Variants in SLC22A8 observed in about 807,000 individuals in gnomAD.
SLC22A8 encodes solute carrier family 22 member 8.
SLC22A8 carries 40 observed loss-of-function variants against 48.4 expected under a neutral mutation model. The ratio of observed to expected loss-of-function variants is 0.83; its 90% CI spans 0.64 to 1.08. SLC22A8 has a LOEUF of 1.08. Ranked by LOEUF, SLC22A8 falls within the 50% of genes least tolerant of loss-of-function variation. SLC22A8 has a pLI of 0.00. For synonymous variants in SLC22A8, 268 were observed against 286.3 expected (o/e 0.94, Z 0.65); for missense variants, 606 against 699.0 (o/e 0.87, Z 1.50).
chr11:62,993,714 C>A, intron 9 of SLC22A8, 56 bp downstream of exon 9: 2 of 1,586,114 alleles, frequency 1.3e-6, no homozygotes, highest in Non-Finnish European at 1.7e-6. Flanking sequence ...GACAATGCCA[C>A]AGTCCCACCT....
In SLC22A8 at chr11:62,999,852, G is replaced by A. The variant is rs753411110; in HGVS notation, c.438-10C>T. The A allele has an allele frequency of 1.9e-5, 28 of 1,501,876 alleles. No individual in the cohort carries two copies. Among genetic ancestry groups the A allele is most frequent in the Non-Finnish European group, 2.5e-5 (28 of 1,120,216 alleles). The allele number at this position is 1,501,876 out of a possible 1,614,324, so 93.0% of individuals were successfully genotyped here. A position where few individuals can be genotyped will look rare whatever the true frequency, so the allele number is the denominator to read the frequency against. On this transcript the variant is annotated splice_polypyrimidine_tract_variant and intron_variant, in intron 3 of 10. Coordinates refer to ENST00000336232, the MANE Select transcript of SLC22A8 (RefSeq NM_004254.4). ...GGGCCTGCGGCCAAACCTGTAGCTC[G>A]AAGGAGAGGAGGGGCCAGGTTAGCC... is the stretch of plus-strand genomic sequence containing the variant.
rs114574982 is a variant in SLC22A8, at chr11:63,013,922, C to T, written c.333+704G>A. On this transcript the variant is annotated intron_variant, in intron 2 of 10. Coordinates refer to ENST00000336232, the MANE Select transcript of SLC22A8 (RefSeq NM_004254.4). ...GAGTCTGATTTAACTCTGGATTTCC[C>T]CGAGGTGGCAGGTGAGAGAGTCAAT... 8.6e-3 allele frequency among the ~76,000 whole-genome samples: 1,313 copies of T among 152,232 alleles called. 10 individuals are homozygous for T. Among genetic ancestry groups the T allele is most frequent in the African/African-American group, 0.03 (1,253 of 41,508 alleles).
At position 62,993,756 on chromosome 11, in the gene SLC22A8, G is replaced by A; in HGVS notation, c.1325+14C>T. 2 of 1,605,292 alleles carry A rather than the reference G, an allele frequency of 1.2e-6. No homozygotes were observed. Among genetic ancestry groups the A allele is most frequent in the Non-Finnish European group, 1.7e-6 (2 of 1,171,842 alleles). On this transcript the variant is annotated intron_variant, in intron 9 of 10. Coordinates refer to ENST00000336232, the MANE Select transcript of SLC22A8 (RefSeq NM_004254.4). ...TGTCCTCTGGCTGGGCCTGGCCCCAGGTCCAGCACCTACCTGATGACTGTG... is the reference window on the plus strand; with the variant it reads ...TGTCCTCTGGCTGGGCCTGGCCCCAAGTCCAGCACCTACCTGATGACTGTG...
At chr11:62,995,218 C>A in intron 7 of SLC22A8, 1 of 236,156 alleles carries the variant, frequency 4.2e-6, no homozygotes, top group Non-Finnish European at 8.3e-6. Context: ...AAAGAAATGG[C>A]CAGGATGGGA....
intron 7 of SLC22A8, 87 bp downstream of exon 7, chr11:62,995,617 C>T (rs2086406861): frequency 3.3e-6 from 3 of 918,478 alleles, no homozygotes; most frequent in East Asian, 2.4e-5. Context: ...TTTCAGATGC[C>T]CTAGGCCTTG....
Position 62,994,671 on chromosome 11 carries a change from C to A in SLC22A8, c.1087G>T (p.Gly363Cys). Residue 363 changes from glycine (G) to cysteine (C), a missense_variant, in exon 8 of 11, where the codon GGT (glycine) becomes TGT (cysteine). Gly to Cys is a radical substitution (Grantham distance 159). Transcript: ENST00000336232. Reference sequence around the variant, plus strand: ...AACTTGGCTGGGACATCGACCCCACCAAAGATGATCTGGAGGATGTAGAGG... The same window carrying A: ...AACTTGGCTGGGACATCGACCCCACAAAAGATGATCTGGAGGATGTAGAGG... ...VNLYILQIIF[G>C]GVDVPAKFIT... 6.2e-7 allele frequency: 1 copy of A among 1,614,230 alleles called. No homozygotes were observed.
chr11:62,993,821 G>A lies in SLC22A8; in HGVS notation c.1274C>T (p.Ser425Phe). 1.9e-6 allele frequency: 3 copies of A among 1,613,988 alleles called. No individual in the cohort carries two copies. The highest frequency in any genetic ancestry group is 2.5e-6 in the Non-Finnish European group (3 of 1,179,876). Residue 425 changes from serine to phenylalanine, a missense_variant, in exon 9 of 11, where the codon TCC (serine) becomes TTC (phenylalanine). Coordinates refer to ENST00000336232, the MANE Select transcript of SLC22A8 (RefSeq NM_004254.4). ...AVFGKGCLSSSFSCLFLYTSE... is the reference protein window; with the variant it reads ...AVFGKGCLSSFFSCLFLYTSE... ...TGTGTAGAGGAAGAGGCAGCTGAAG[G>A]AGCTGGATAGGCATCCCTTCCCAAA...
In SLC22A8 at chr11:62,996,082, G is replaced by A. The variant is rs768737729; in HGVS notation, c.832C>T (p.Arg278Trp). 16 of 1,613,920 alleles carry A rather than the reference G, an allele frequency of 9.9e-6. No homozygotes were observed. Among genetic ancestry groups the A allele is most frequent in the African/African-American group, 1.3e-5 (1 of 74,900 alleles). Reference protein sequence around the residue: ...KSSKALKILRRVAVFNGKKEE... With the variant: ...KSSKALKILRWVAVFNGKKEE... ...TTCTTGCCATTGAAGACAGCCACCC[G>A]CCGGAGTATCTTCAGGGCCTTCGAG... Residue 278 changes from arginine (R) to tryptophan (W), a missense_variant, in exon 6 of 11, where the codon CGG (arginine) becomes TGG (tryptophan). Transcript: ENST00000336232.
chr11:63,014,779 C>T lies in SLC22A8; in HGVS notation c.180G>A (p.Trp60Ter), dbSNP rs1332226496. 2 of 1,613,594 alleles carry T rather than the reference C, an allele frequency of 1.2e-6. No individual in the cohort carries two copies. Among genetic ancestry groups the T allele is most frequent in the African/African-American group, 2.7e-5 (2 of 74,918 alleles). ...RPPHNASTGP[W>*]VLPMGPNGKP... ...TCCCATTTGGGCCCATGGGGAGCAC[C>T]CAAGGCCCTGTGGAGGCATTGTGGG... is the stretch of plus-strand genomic sequence containing the variant. The change falls in exon 2 of 11, where the codon TGG (tryptophan) becomes TGA (stop). Residue 60 changes from tryptophan to a stop codon, truncating the protein, a stop_gained. Transcript: ENST00000336232. LOFTEE classifies it high-confidence loss of function.
intron 2 of SLC22A8, among the ~76,000 whole-genome samples, chr11:63,010,853 G>A (rs992807811): frequency 3.3e-5 from 5 of 152,180 alleles, no homozygotes; most frequent in African/African-American, 4.8e-5. Flanking sequence ...CTCTCTCTCC[G>A]TCTGGCCTTT....
intron 8 of SLC22A8, 46 bp from the exon 9 acceptor site, chr11:62,993,924 C>A (rs2086376860): frequency 8.4e-7 from 1 of 1,186,150 alleles, no homozygotes; most frequent in African/African-American, 1.5e-5. Flanking sequence ...TCAGGAGCAC[C>A]TAAGAGTTCT....
chr11:62,995,664 C>T (rs767846146), intron 7 of SLC22A8, 40 bp downstream of exon 7: 3 of 1,458,960 alleles, frequency 2.1e-6, no homozygotes, highest in Non-Finnish European at 2.9e-6. Flanking sequence ...TGTCTATCAC[C>T]CCTTCCTTGG....
At chr11:63,004,115 C>T (rs192281683) in intron 2 of SLC22A8, among the ~76,000 whole-genome samples, 10 of 152,298 alleles carry the variant, frequency 6.6e-5, no homozygotes, top group Admixed American at 3.9e-4. Flanking sequence ...TGGAAGGTTT[C>T]AGGCTGCTGT....
At chr11:63,011,727 A>G (rs1405333067) in intron 2 of SLC22A8, among the ~76,000 whole-genome samples, 1 of 151,916 alleles carries the variant, frequency 6.6e-6, no homozygotes, top group African/African-American at 2.4e-5. Flanking sequence ...GGACTAAAAC[A>G]CTCCACAAAC....
rs140727070 is a variant in SLC22A8, at chr11:63,005,750, C to T, written c.334-4927G>A. Among the ~76,000 whole-genome samples, 1,225 of 152,234 alleles carry T rather than the reference C, an allele frequency of 8.0e-3. 19 individuals carry two copies. The highest frequency in any genetic ancestry group is 0.028 in the African/African-American group (1,167 of 41,524). ...GTTTCCGGCAACCACCAGAAGCTGG[C>T]AGAGGCAAGGAAGGATTCTTCCCTA... On this transcript the variant is annotated intron_variant, in intron 2 of 10. Coordinates refer to ENST00000336232, the MANE Select transcript of SLC22A8 (RefSeq NM_004254.4).
intron 2 of SLC22A8, among the ~76,000 whole-genome samples, chr11:63,013,820 C>A (rs1011113072): frequency 6.6e-6 from 1 of 152,152 alleles, no homozygotes; most frequent in South Asian, 2.1e-4. Flanking sequence ...CAGTTAGTGA[C>A]GCCCAATACA....
At position 62,993,225 on chromosome 11, in the gene SLC22A8, G is replaced by T. The variant is rs986592758; in HGVS notation, c.*12C>A. On this transcript the variant is annotated 3_prime_UTR_variant, in exon 11 of 11. Coordinates refer to ENST00000336232, the MANE Select transcript of SLC22A8 (RefSeq NM_004254.4). ...AGTCTCTGGAGGGCAGGGAAAGGGG[G>T]TTCCGTTGTCCTCAGCTGGAGCCCA... The T allele has an allele frequency of 1.9e-6, 3 of 1,604,952 alleles. No homozygotes were observed. The highest frequency in any genetic ancestry group is 2.7e-5 in the African/African-American group (2 of 74,728).
chr11:62,995,260 G>A (rs1256530072), intron 7 of SLC22A8: 1 of 240,414 alleles, frequency 4.2e-6, no homozygotes, highest in Non-Finnish European at 8.1e-6. Flanking sequence ...AGGGCTTTCA[G>A]GGAGCAGGAG....
At chr11:63,014,151 G>A (rs1455598775) in intron 2 of SLC22A8, among the ~76,000 whole-genome samples, 1 of 152,168 alleles carries the variant, frequency 6.6e-6, no homozygotes, top group African/African-American at 2.4e-5. Context: ...CTTGACTGAT[G>A]TTTATATCTC....
Sources: allele counts gnomAD v4.1 joint callset (sites outside exome capture counted in the v4.1 genomes callset), GRCh38; gene constraint gnomAD v4.1.1; transcripts MANE v1.5; gene names NCBI Gene and HGNC (gene_info 2026-07-23, HGNC 2026-07-21).